The following PNN variants were observed in gnomAD, a reference collection of about 807,000 sequenced individuals.
The protein encoded by PNN is pinin.
PNN carries 38 observed loss-of-function variants against 76.6 expected under a neutral mutation model. The ratio of observed to expected loss-of-function variants is 0.50; its 90% CI spans 0.38 to 0.65. PNN has a LOEUF of 0.65. Ranked by LOEUF, PNN falls within the 30% of genes least tolerant of loss-of-function variation. The pLI, the probability that PNN is intolerant of heterozygous loss-of-function variation, is 0.00. For synonymous variants in PNN, 366 were observed against 283.7 expected (o/e 1.29, Z -2.91); for missense variants, 873 against 874.1 (o/e 1.00, Z 0.02).
chr14:39,181,173 C>T lies in PNN; in HGVS notation c.1464C>T (p.Ser488=). The stretch of plus-strand genomic sequence containing the variant: ...CTCAGCCCCAGCTTCAGCTTCAATC[C>T]CAGTCCCAACCAGTACTCCAGTCCC... ...PQSQPQLQLQ[S]QSQPVLQSQP... is the part of the protein sequence containing the mutation. The change falls in exon 9 of 9, where the codon TCC becomes TCT. Residue 488 remains serine, a synonymous_variant. Coordinates refer to ENST00000216832, the MANE Select transcript of PNN (RefSeq NM_002687.4). 1 of 1,605,696 alleles carries T rather than the reference C, an allele frequency of 6.2e-7. No homozygotes were observed.
chr14:39,179,521 T>G (rs2053254263), intron 8 of PNN, 59 bp downstream of exon 8: 1 of 1,346,278 alleles, frequency 7.4e-7, no homozygotes, highest in Admixed American at 2.2e-5. Flanking sequence ...TATGTTCATA[T>G]GCACACGTTT....
chr14:39,176,430 GA>G, intron 2 of PNN, 96 bp from the exon 3 acceptor site: 1 of 940,322 alleles, frequency 1.1e-6, no homozygotes, highest in South Asian at 1.5e-5. Context: ...ACTTTAGTTG[GA>G]AAGATTTTTG....
In PNN at chr14:39,176,167, C is replaced by G. The variant is rs775217509; in HGVS notation, c.185+18C>G. The stretch of plus-strand genomic sequence containing the variant: ...TTACTGAGGTAAGATTTCCTTTGGA[C>G]TTTACTCATGCTGAAACTACTGGTA... On this transcript the variant is annotated intron_variant, in intron 2 of 8. Transcript: ENST00000216832. The G allele has an allele frequency of 1.3e-5, 18 of 1,436,598 alleles. No individual in the cohort carries two copies. Among genetic ancestry groups the G allele is most frequent in the Admixed American group, 1.7e-5 (1 of 59,322 alleles). 89.0% of individuals were successfully genotyped at this position (1,436,598 alleles called of 1,614,324 possible).
chr14:39,178,406 C>T (rs1379634085), intron 6 of PNN, among the ~76,000 whole-genome samples: 2 of 152,062 alleles, frequency 1.3e-5, no homozygotes, highest in African/African-American at 4.8e-5. Flanking sequence ...TGGCATGCGC[C>T]TGTAATCCCC....
intron 6 of PNN, among the ~76,000 whole-genome samples, chr14:39,178,256 C>T (rs1223026303): frequency 1.3e-5 from 2 of 152,170 alleles, no homozygotes; most frequent in African/African-American, 2.4e-5. Flanking sequence ...CGGCCAGGTG[C>T]AGTGGCTCAT....
At position 39,181,133 on chromosome 14, in the gene PNN, AACCTCAGCCT is replaced by A; in HGVS notation, c.1425_1434del (p.Gln475HisfsTer30). On this transcript the variant is annotated frameshift_variant, in exon 9 of 9. Coordinates refer to ENST00000216832, the MANE Select transcript of PNN (RefSeq NM_002687.4). LOFTEE classifies it high-confidence loss of function. Reference sequence around the variant, plus strand: ...GAGCCCCAACCTGAGCCTGTGGCTCAACCTCAGCCTCAGTCTCAGCCCCAGCTTCAGCTTC... The same window carrying A: ...GAGCCCCAACCTGAGCCTGTGGCTCACAGTCTCAGCCCCAGCTTCAGCTTC... 1 of 1,610,752 alleles carries A rather than the reference AACCTCAGCCT, an allele frequency of 6.2e-7. No individual in the cohort carries two copies. The highest frequency in any genetic ancestry group is 8.5e-7 in the Non-Finnish European group (1 of 1,177,208).
intron 3 of PNN, among the ~76,000 whole-genome samples, chr14:39,176,894 A>G (rs1339967559): frequency 6.6e-6 from 1 of 152,176 alleles, no homozygotes; most frequent in Non-Finnish European, 1.5e-5. Flanking sequence ...AAACTTAACC[A>G]GTTTGAAATA....
At chr14:39,177,004 G>C (rs1465031107) in intron 3 of PNN, among the ~76,000 whole-genome samples, 3 of 152,228 alleles carry the variant, frequency 2.0e-5, no homozygotes, top group Non-Finnish European at 4.4e-5. Context: ...ATGGAGACTT[G>C]ATAGAACAAA....
chr14:39,182,952 A>C lies in PNN; in HGVS notation c.*1089A>C, dbSNP rs931831384. On this transcript the variant is annotated 3_prime_UTR_variant, in exon 9 of 9. Transcript: ENST00000216832. Reference sequence around the variant, plus strand: ...TGGCTTAGACTTGTGTGACTGCTTAAGACTAGTACTTGTATTAACTTTCTG... The same window carrying C: ...TGGCTTAGACTTGTGTGACTGCTTACGACTAGTACTTGTATTAACTTTCTG... The C allele has an allele frequency of 1.1e-4, 17 of 152,684 alleles. No individual in the cohort carries two copies. The highest frequency in any genetic ancestry group is 4.1e-4 in the African/African-American group (17 of 41,458). The allele number at this position is 152,684 out of a possible 1,614,324, so 9.5% of individuals were successfully genotyped here. A position where few individuals can be genotyped will look rare whatever the true frequency, so the allele number is the denominator to read the frequency against.
rs2053253700 is a variant in PNN, at chr14:39,179,451, G to A, written c.782G>A (p.Arg261Lys). 6.2e-7 allele frequency: 1 copy of A among 1,611,700 alleles called. No homozygotes were observed. The highest frequency in any genetic ancestry group is 8.5e-7 in the Non-Finnish European group (1 of 1,179,180). Residue 261 changes from arginine (R) to lysine (K), a missense_variant, in exon 8 of 9, where the codon AGA becomes AAA. Coordinates refer to ENST00000216832, the MANE Select transcript of PNN (RefSeq NM_002687.4). ...CAAAAACTAATAGAAGAGTCACAGAGAAAAATGAACGGTAAGTATGCGAAG... is the reference window on the plus strand; with the variant it reads ...CAAAAACTAATAGAAGAGTCACAGAAAAAAATGAACGGTAAGTATGCGAAG... ...ATQKLIEESQRKMNALFEGRR... is the reference protein window; with the variant it reads ...ATQKLIEESQKKMNALFEGRR...
At chr14:39,176,031 G>A in intron 1 of PNN, 47 bp from the exon 2 acceptor site, 1 of 978,280 alleles carries the variant, frequency 1.0e-6, no homozygotes. Context: ...GGGTGCGACT[G>A]TGTGTGTCTA....
chr14:39,182,071 C>A lies in PNN; in HGVS notation c.*208C>A. 1 of 459,698 alleles carries A rather than the reference C, an allele frequency of 2.2e-6. No homozygotes were observed. The highest frequency in any genetic ancestry group is 2.0e-5 in the African/African-American group (1 of 50,256). 28.5% of individuals were successfully genotyped at this position (459,698 alleles called of 1,614,324 possible). A position where few individuals can be genotyped will look rare whatever the true frequency, so the allele number is the denominator to read the frequency against. The stretch of plus-strand genomic sequence containing the variant: ...TTATTTATCAAAATTATGTGAGGTT[C>A]CAAAATATGTAAAAATGATAATAAT... On this transcript the variant is annotated 3_prime_UTR_variant, in exon 9 of 9. Transcript: ENST00000216832.
intron 1 of PNN, 139 bp downstream of exon 1, chr14:39,175,531 C>T: frequency 1.5e-6 from 1 of 668,840 alleles, no homozygotes; most frequent in South Asian, 1.6e-5. Flanking sequence ...GGGTAAAACC[C>T]TGTTGTCGCC....
chr14:39,176,656 A>G, intron 3 of PNN, 61 bp downstream of exon 3: 1 of 981,616 alleles, frequency 1.0e-6, no homozygotes, highest in Admixed American at 2.4e-5. Context: ...CACAAATATA[A>G]ATGTTTATTA....
Position 39,177,684 on chromosome 14 carries a change from A to G in PNN, c.419A>G (p.Gln140Arg). The G allele has an allele frequency of 6.2e-7, 1 of 1,605,560 alleles. No homozygotes were observed. The highest frequency in any genetic ancestry group is 8.5e-7 in the Non-Finnish European group (1 of 1,172,118). ...QDQNMDEKGK[Q>R]RNRRIFGLLM... is the part of the protein sequence containing the mutation. ...CAAAATATGGATGAAAAGGGAAAGC[A>G]AAGGTATTTCCCTGGGGGAAAAAAA... Residue 140 changes from glutamine (Q) to arginine (R), a missense_variant, in exon 5 of 9, where the codon CAA (glutamine) becomes CGA (arginine). Physicochemically the swap from Gln to Arg is conservative, Grantham distance 43. Coordinates refer to ENST00000216832, the MANE Select transcript of PNN (RefSeq NM_002687.4).
intron 6 of PNN, 152 bp downstream of exon 6, chr14:39,178,068 C>T (rs1355621206): frequency 1.6e-6 from 1 of 639,440 alleles, no homozygotes; most frequent in African/African-American, 1.8e-5. Flanking sequence ...TCTTATAGAA[C>T]AGCTTTACTT....
rs765166612 is a variant in PNN, at chr14:39,179,312, C to T, written c.655-12C>T. ...TGTTTACAAAAGCACTGACCCTTTA[C>T]CTTTTCTTTAGCAAGAAGAATGGAA... On this transcript the variant is annotated splice_polypyrimidine_tract_variant and intron_variant, in intron 7 of 8. Coordinates refer to ENST00000216832, the MANE Select transcript of PNN (RefSeq NM_002687.4). 5 of 1,609,072 alleles carry T rather than the reference C, an allele frequency of 3.1e-6. No individual in the cohort carries two copies. The Admixed American group carries it at 5.1e-5, about 16-fold the overall frequency.
At chr14:39,178,770 T>C (rs893975449) in intron 6 of PNN, among the ~76,000 whole-genome samples, 10 of 150,788 alleles carry the variant, frequency 6.6e-5, no homozygotes, top group Non-Finnish European at 1.0e-4. Flanking sequence ...GGAGTTTGGC[T>C]CTTCTTGCTC....
intron 1 of PNN, 33 bp downstream of exon 1, chr14:39,175,425 C>G (rs748596647): frequency 7.5e-6 from 10 of 1,325,806 alleles, no homozygotes; most frequent in Admixed American, 1.7e-5. Flanking sequence ...GAACTCGGAG[C>G]TCGGAGAGGC....
Sources: gnomAD v4.1 joint callset for allele counts (sites outside exome capture counted in the v4.1 genomes callset) on GRCh38, gnomAD v4.1.1 for gene constraint, MANE v1.5 for transcripts, NCBI Gene and HGNC (gene_info 2026-07-23, HGNC 2026-07-21) for gene names.